FPR1: variants seen among roughly 807,000 people sequenced by gnomAD.
The protein encoded by FPR1 is formyl peptide receptor 1.
For missense variants in FPR1, 407 were observed against 453.0 expected (o/e 0.90, Z 0.92); for synonymous variants, 193 against 176.7 (o/e 1.09, Z -0.73).
rs757978120 is a variant in FPR1 at position 51,746,641 on chromosome 19, G to A, written c.354C>T (p.Leu118=). 2 of 1,614,182 alleles carry A rather than the reference G, an allele frequency of 1.2e-6. No homozygotes were observed. The highest frequency in any genetic ancestry group is 2.2e-5 in the South Asian group (2 of 91,078). Residue 118 remains leucine, a synonymous_variant, in exon 2 of 2, where the codon CTC becomes CTT. Transcript: ENST00000304748. This position sits in a 1 kb window ranked among gnomAD's most constrained non-coding sequence, Gnocchi z 4.3. ...NLFGSVFLIA[L]IALDRCVCVL... ...CGCAAACACAGCGGTCCAGAGCAAT[G>A]AGGGCGATCAGGAAGACACTTCCGA...
Position 51,751,875 on chromosome 19 carries a change from G to A in FPR1, c.-73C>T, listed in dbSNP as rs2083783515. The A allele has an allele frequency of 6.6e-6, 1 of 152,346 alleles. No homozygotes were observed. Among genetic ancestry groups the A allele is most frequent in the Non-Finnish European group, 1.5e-5 (1 of 68,186 alleles). 9.4% of individuals were successfully genotyped at this position (152,346 alleles called of 1,614,324 possible). On this transcript the variant is annotated 5_prime_UTR_variant, in exon 1 of 2. Transcript: ENST00000304748. Reference sequence around the variant, plus strand: ...GTTCTAGGTCTGGGTCTCCTGGGGAGAGTGACTCAGGCTCTAATGATTGCA... The same window carrying A: ...GTTCTAGGTCTGGGTCTCCTGGGGAAAGTGACTCAGGCTCTAATGATTGCA...
chr19:51,751,102 G>C (rs1027820474), intron 1 of FPR1, among the ~76,000 whole-genome samples: 1 of 151,960 alleles, frequency 6.6e-6, no homozygotes, highest in Non-Finnish European at 1.5e-5. Context: ...TTCCCATCCC[G>C]ACTCAAGCCC....
rs145973159 is a variant in FPR1, at chr19:51,746,442, T to C, written c.553A>G (p.Asn185Asp). The C allele has an allele frequency of 3.9e-4, 627 of 1,614,118 alleles. 6 individuals are homozygous for C. In the East Asian group the frequency reaches 0.012, roughly 32 times the overall value. The change falls in exon 2 of 2, where the codon AAC becomes GAC. Residue 185 changes from asparagine (N) to aspartate (D), a missense_variant. Physicochemically the swap from Asn to Asp is conservative, Grantham distance 23 (BLOSUM62 1). Transcript: ENST00000304748. The surrounding 1 kb of genome is among the most constrained non-coding windows in gnomAD (Gnocchi z 4.3). ...ACTFNFSPWT[N>D]DPKERINVAV... The stretch of plus-strand genomic sequence containing the variant: ...ACATTTATCCTCTCTTTAGGGTCGT[T>C]GGTCCAGGGCGAAAAGTTAAAAGTG...
rs144993936 is a variant in FPR1 at position 51,749,888 on chromosome 19, C to T, written c.-12+1926G>A. ...GTTTCACCATGTTGCCCAGGCTGGT[C>T]TCAAACTCTTGAGCTCAGGCAGTCC... is the stretch of plus-strand genomic sequence containing the variant. On this transcript the variant is annotated intron_variant, in intron 1 of 1. Transcript: ENST00000304748. Among the ~76,000 whole-genome samples the T allele has an allele frequency of 9.3e-3, 1,414 of 152,160 alleles. 21 individuals carry two copies. The highest frequency in any genetic ancestry group is 0.03 in the African/African-American group (1,265 of 41,516).
chr19:51,751,206 C>T (rs1030731056), intron 1 of FPR1, among the ~76,000 whole-genome samples: 6 of 152,094 alleles, frequency 3.9e-5, no homozygotes, highest in African/African-American at 1.4e-4. Context: ...AACCAGAAAA[C>T]AAGTGTTTCC....
chr19:51,750,453 A>G (rs1028211729), intron 1 of FPR1, among the ~76,000 whole-genome samples: 15 of 152,176 alleles, frequency 9.9e-5, no homozygotes, highest in East Asian at 7.7e-4. Flanking sequence ...ACACTTTGAA[A>G]TTACATATGT....
intron 1 of FPR1, among the ~76,000 whole-genome samples, chr19:51,747,569 C>A (rs1366466485): frequency 3.9e-5 from 6 of 152,054 alleles, no homozygotes; most frequent in African/African-American, 1.4e-4. Context: ...CAAGCCCCTA[C>A]CAGGGAGATT....
At chr19:51,749,193 C>T (rs927129441) in intron 1 of FPR1, among the ~76,000 whole-genome samples, 4 of 147,418 alleles carry the variant, frequency 2.7e-5, no homozygotes, top group Non-Finnish European at 4.5e-5. Flanking sequence ...CCAGCCTGGG[C>T]GACAGAGCGA....
Position 51,746,075 on chromosome 19 carries a change from T to A in FPR1, c.920A>T (p.Asp307Val), listed in dbSNP as rs1220113532. Residue 307 changes from aspartate (D) to valine (V), a missense_variant, in exon 2 of 2, where the codon GAC becomes GTC. Physicochemically the swap from Asp to Val is radical, Grantham distance 152. Transcript: ENST00000304748. The surrounding 1 kb of genome is among the most constrained non-coding windows in gnomAD (Gnocchi z 4.3). ...GGCGTGGATCAGCCTCTCCCGGAAG[T>A]CCTGGCCCATGAAGACATAGAGCAT... ...NPMLYVFMGQ[D>V]FRERLIHALP... The A allele has an allele frequency of 1.9e-6, 3 of 1,614,012 alleles. No homozygotes were observed. In the Admixed American group the frequency reaches 5.0e-5, roughly 27 times the overall value.
At position 51,747,003 on chromosome 19, in the gene FPR1, C is replaced by T. The variant is rs780849149; in HGVS notation, c.-9G>A. ...GAGGAATTTGTCTCCATCTTGTCTG[C>T]TCCTGAAATAGTGCAGTCGTGGTCA... is the stretch of plus-strand genomic sequence containing the variant. On this transcript the variant is annotated splice_region_variant and 5_prime_UTR_variant, in exon 2 of 2. Transcript: ENST00000304748. 1.1e-5 allele frequency: 17 copies of T among 1,599,782 alleles called. No homozygotes were observed. The highest frequency in any genetic ancestry group is 1.7e-5 in the Admixed American group (1 of 59,396).
chr19:51,747,219 AT>A (rs1175717110), intron 1 of FPR1, among the ~76,000 whole-genome samples: 22 of 124,784 alleles, frequency 1.8e-4, no homozygotes, highest in African/African-American at 7.6e-4. Flanking sequence ...GCAAGATTAC[AT>A]CTTTTTTTTT....
rs533540247 is a variant in FPR1 at position 51,747,312 on chromosome 19, T to C, written c.-11-307A>G. ...CTCACTGCAACCTCCACCTCCCGGG[T>C]TCAAGCAATTCCCCTGCCTCAGCGT... On this transcript the variant is annotated intron_variant, in intron 1 of 1. Transcript: ENST00000304748. Among the ~76,000 whole-genome samples the C allele has an allele frequency of 7.4e-5, 11 of 149,336 alleles. No individual in the cohort carries two copies. The South Asian group carries it at 2.1e-3, about 29-fold the overall frequency.
intron 1 of FPR1, among the ~76,000 whole-genome samples, chr19:51,749,376 C>T (rs1221759672): frequency 5.3e-5 from 8 of 152,042 alleles, no homozygotes; most frequent in African/African-American, 1.7e-4. Context: ...TGATACTAAA[C>T]GACGTATAAT....
chr19:51,747,063 C>A, intron 1 of FPR1, 58 bp from the exon 2 acceptor site: 2 of 1,278,734 alleles, frequency 1.6e-6, no homozygotes, highest in Non-Finnish European at 2.2e-6. Flanking sequence ...CATTTCCCCA[C>A]CCCCTCATTT....
At chr19:51,745,175 A>G (rs1017497624), downstream of FPR1, 2 of 148,240 alleles carry the variant, frequency 1.3e-5, no homozygotes, top group African/African-American at 2.5e-5. Flanking sequence ...TTTTTTTCTG[A>G]GCCGGAGTCT....
chr19:51,746,548 G>T lies in FPR1; in HGVS notation c.447C>A (p.Pro149=). ...ATGTGAGGAGCAGAGCCATCACCCA[G>T]GGCCCAATGATCACCTTCTTGGCCA... ...VSLAKKVIIG[P]WVMALLLTLP... is the part of the protein sequence containing the mutation. The change falls in exon 2 of 2, where the codon CCC becomes CCA. Residue 149 remains proline, a synonymous_variant. Coordinates refer to ENST00000304748, the MANE Select transcript of FPR1 (RefSeq NM_002029.4). The surrounding 1 kb of genome is among the most constrained non-coding windows in gnomAD (Gnocchi z 4.3). The T allele has an allele frequency of 6.2e-7, 1 of 1,614,198 alleles. No homozygotes were observed. Among genetic ancestry groups the T allele is most frequent in the Non-Finnish European group, 8.5e-7 (1 of 1,180,040 alleles).
At chr19:51,747,372 C>T (rs1031749319) in intron 1 of FPR1, among the ~76,000 whole-genome samples, 19 of 152,088 alleles carry the variant, frequency 1.2e-4, no homozygotes, top group African/African-American at 4.6e-4. Context: ...TGCACCACCC[C>T]ACTCCTGGCT....
Position 51,746,870 on chromosome 19 carries a change from A to G in FPR1, c.125T>C (p.Leu42Pro). ...CACCCAGATCACAAGCCCGTTGCCCAGGACCCCGAGGACAAAGGTGACTGC... is the reference window on the plus strand; with the variant it reads ...CACCCAGATCACAAGCCCGTTGCCCGGGACCCCGAGGACAAAGGTGACTGC... Reference protein sequence around the residue: ...VFAVTFVLGVLGNGLVIWVAG... With the variant: ...VFAVTFVLGVPGNGLVIWVAG... Residue 42 changes from leucine to proline, a missense_variant, in exon 2 of 2, where the codon CTG (leucine) becomes CCG (proline). Coordinates refer to ENST00000304748, the MANE Select transcript of FPR1 (RefSeq NM_002029.4). This position sits in a 1 kb window ranked among gnomAD's most constrained non-coding sequence, Gnocchi z 4.3. 1 of 1,614,166 alleles carries G rather than the reference A, an allele frequency of 6.2e-7. No individual in the cohort carries two copies. The highest frequency in any genetic ancestry group is 8.5e-7 in the Non-Finnish European group (1 of 1,180,040).
chr19:51,750,108 A>G (rs2083771550), intron 1 of FPR1: 1 of 152,148 alleles, frequency 6.6e-6, no homozygotes. Context: ...GTCACCCAAC[A>G]GCCCAGGCTG....
Sources: gnomAD v4.1 joint callset for allele counts (sites outside exome capture counted in the v4.1 genomes callset) on GRCh38, gnomAD v4.1.1 for gene constraint, Gnocchi (gnomAD v3.1) non-coding constraint, MANE v1.5 for transcripts, NCBI Gene and HGNC (gene_info 2026-07-23, HGNC 2026-07-21) for gene names.